Variants in TLK1 observed in about 807,000 individuals in gnomAD.
TLK1 encodes the protein serine/threonine-protein kinase tousled-like 1.
Under a neutral mutation model 105.3 loss-of-function variants are expected in TLK1, and 24 were observed. That is an observed-to-expected ratio of 0.23 (90% CI 0.17 to 0.32). TLK1 has a LOEUF of 0.32. TLK1 is among the 10% of genes least tolerant of loss of function. The pLI is 1.00. For synonymous variants in TLK1, 321 were observed against 310.4 expected (o/e 1.03, Z -0.36); for missense variants, 558 against 910.5 (o/e 0.61, Z 4.98).
chr2:171,214,396 T>C (rs1300250541), intron 1 of TLK1, among the ~76,000 whole-genome samples: 2 of 152,158 alleles, frequency 1.3e-5, no homozygotes, highest in African/African-American at 4.8e-5. Flanking sequence ...GAGAATGACA[T>C]GTGCGCATGC....
At chr2:171,048,170 A>G (rs1402305450) in intron 10 of TLK1, among the ~76,000 whole-genome samples, 1 of 152,068 alleles carries the variant, frequency 6.6e-6, no homozygotes, top group African/African-American at 2.4e-5. Context: ...GTTGGTATCA[A>G]ACTCTCAACC....
chr2:171,108,541 T>G (rs1324004706), intron 2 of TLK1, among the ~76,000 whole-genome samples: 1 of 151,942 alleles, frequency 6.6e-6, no homozygotes, highest in African/African-American at 2.4e-5. Flanking sequence ...AACTCACCAT[T>G]TAAGAGAGTC....
At chr2:171,042,607 G>A (rs1413347278) in intron 11 of TLK1, among the ~76,000 whole-genome samples, 1 of 151,940 alleles carries the variant, frequency 6.6e-6, no homozygotes, top group Non-Finnish European at 1.5e-5. Flanking sequence ...ACTGTGCTAG[G>A]CATTGGGACT....
rs1458636404 is a variant in TLK1, at chr2:171,032,048, T to G, written c.1170-3643A>C. The stretch of plus-strand genomic sequence containing the variant: ...GGTTGCAGTGAGCTGAGACTGCCAC[T>G]GTACTCCAGCCTGGGCAACAGAGCA... On this transcript the variant is annotated intron_variant, in intron 11 of 20. Coordinates refer to ENST00000431350, the MANE Select transcript of TLK1 (RefSeq NM_012290.5). Among the ~76,000 whole-genome samples, 5 of 152,104 alleles carry G rather than the reference T, an allele frequency of 3.3e-5. No individual in the cohort carries two copies. In the East Asian group the frequency reaches 9.7e-4, roughly 29 times the overall value.
chr2:171,053,684 CTAAG>C, intron 8 of TLK1, 73 bp downstream of exon 8: 1 of 1,189,388 alleles, frequency 8.4e-7, no homozygotes, highest in Non-Finnish European at 1.2e-6. Context: ...TTTTACAATG[CTAAG>C]TATTTTCTGA....
chr2:171,177,325 A>T (rs977025566), intron 1 of TLK1, among the ~76,000 whole-genome samples: 4 of 147,370 alleles, frequency 2.7e-5, no homozygotes, highest in African/African-American at 1.0e-4. Flanking sequence ...AATTTTTTGT[A>T]GAGATGGTTT....
intron 1 of TLK1, among the ~76,000 whole-genome samples, chr2:171,169,362 TAA>T (rs1213829036): frequency 5.3e-5 from 8 of 152,304 alleles, no homozygotes; most frequent in African/African-American, 1.9e-4. Flanking sequence ...AGTTTGCTTA[TAA>T]GAGCATCTCA....
intron 1 of TLK1, among the ~76,000 whole-genome samples, chr2:171,118,188 C>A (rs1690513891): frequency 6.6e-6 from 1 of 152,162 alleles, no homozygotes. Flanking sequence ...TGTACAACAT[C>A]TATTTTCTAG....
intron 20 of TLK1, among the ~76,000 whole-genome samples, chr2:170,995,178 A>G (rs140638016): frequency 3.9e-5 from 6 of 152,228 alleles, no homozygotes; most frequent in East Asian, 3.9e-4. Context: ...ATCAAGACTG[A>G]TATGTTAGAG....
intron 1 of TLK1, among the ~76,000 whole-genome samples, chr2:171,118,923 T>C (rs933749450): frequency 6.6e-6 from 1 of 152,206 alleles, no homozygotes; most frequent in Non-Finnish European, 1.5e-5. Context: ...GGCCACTCTT[T>C]CATGCTTATT....
intron 20 of TLK1, among the ~76,000 whole-genome samples, chr2:170,996,005 T>C (rs1684040228): frequency 6.6e-6 from 1 of 150,950 alleles, no homozygotes; most frequent in South Asian, 2.1e-4. Flanking sequence ...CATGGCCTAT[T>C]TGGTTTTTTT....
chr2:171,068,472 T>C (rs1262551996), intron 3 of TLK1, among the ~76,000 whole-genome samples: 2 of 152,338 alleles, frequency 1.3e-5, no homozygotes, highest in East Asian at 3.9e-4. Context: ...ACCCAGTTTC[T>C]TTGTTCTTTT....
intron 2 of TLK1, among the ~76,000 whole-genome samples, chr2:171,083,061 A>G (rs141414667): frequency 1.3e-5 from 2 of 152,322 alleles, no homozygotes; most frequent in Admixed American, 6.5e-5. Flanking sequence ...TCAAGTCAAT[A>G]AAGTTCTGCT....
chr2:171,162,792 GTTTTGTT>G (rs879434116), upstream of TLK1, among the ~76,000 whole-genome samples: 14 of 152,060 alleles, frequency 9.2e-5, no homozygotes, highest in East Asian at 9.7e-4. Flanking sequence ...TCTGGCTTTG[GTTTTGTT>G]TTTTGTTTTT....
intron 1 of TLK1, among the ~76,000 whole-genome samples, chr2:171,174,331 T>G (rs1201579278): frequency 6.6e-6 from 1 of 152,164 alleles, no homozygotes; most frequent in Non-Finnish European, 1.5e-5. Flanking sequence ...TAATCTTATT[T>G]GCTTGACTCA....
chr2:171,208,264 A>G (rs1693545137), intron 1 of TLK1, among the ~76,000 whole-genome samples: 1 of 152,182 alleles, frequency 6.6e-6, no homozygotes, highest in African/African-American at 2.4e-5. Context: ...CTATTTTTAA[A>G]TTGTAAGTAT....
intron 3 of TLK1, among the ~76,000 whole-genome samples, chr2:171,077,604 C>T (rs1379426555): frequency 6.6e-6 from 1 of 152,126 alleles, no homozygotes; most frequent in Non-Finnish European, 1.5e-5. Flanking sequence ...TTTTACAGTC[C>T]CTATCTTAAA....
At chr2:171,196,011 C>T (rs1367360279) in intron 1 of TLK1, among the ~76,000 whole-genome samples, 6 of 122,314 alleles carry the variant, frequency 4.9e-5, no homozygotes, top group Non-Finnish European at 6.3e-5. Context: ...GCACTCCAGC[C>T]TGAGTAACAG....
chr2:171,073,876 C>CA (rs1558925577), intron 3 of TLK1, among the ~76,000 whole-genome samples: 6 of 89,972 alleles, frequency 6.7e-5, no homozygotes, highest in African/African-American at 9.1e-5. Flanking sequence ...TAACATTCCC[C>CA]CCCCCCCTCC....
Sources: allele counts gnomAD v4.1 joint callset (sites outside exome capture counted in the v4.1 genomes callset), GRCh38; gene constraint gnomAD v4.1.1; transcripts MANE v1.5; gene names NCBI Gene and HGNC (gene_info 2026-07-23, HGNC 2026-07-21).